The following COL18A1 variants were observed in gnomAD, a reference collection of about 807,000 sequenced individuals.
COL18A1 encodes collagen type XVIII alpha 1 chain.
In COL18A1, 133 loss-of-function variants were observed where a neutral mutation model predicts 168.0. The ratio of observed to expected loss-of-function variants is 0.79; its 90% CI spans 0.69 to 0.91. The LOEUF (loss-of-function observed/expected upper bound fraction) is 0.91. COL18A1 is among the 40% of genes least tolerant of loss of function. COL18A1 has a pLI of 0.00. For synonymous variants in COL18A1, 949 were observed against 809.0 expected (o/e 1.17, Z -2.94); for missense variants, 2,126 against 1,925.4 (o/e 1.10, Z -1.95).
chr21:45,426,038 C>A (rs1422324947), intron 2 of COL18A1, among the ~76,000 whole-genome samples: 1 of 152,194 alleles, frequency 6.6e-6, no homozygotes, highest in African/African-American at 2.4e-5. Flanking sequence ...TGCTTCCCCA[C>A]CTTTTCACAG....
At chr21:45,496,032 C>A in intron 29 of COL18A1, 1 of 358,294 alleles carries the variant, frequency 2.8e-6, no homozygotes, top group Non-Finnish European at 5.5e-6. Flanking sequence ...ATACAACAGG[C>A]CCCTGTGGAT....
chr21:45,449,052 C>T (rs1602406396), intron 2 of COL18A1, among the ~76,000 whole-genome samples: 1 of 152,212 alleles, frequency 6.6e-6, no homozygotes, highest in East Asian at 1.9e-4. Flanking sequence ...GCAGCTGTCC[C>T]TGGGAAGATG....
rs369152864 is a variant in COL18A1, at chr21:45,512,422, G to A, written c.*24G>A. On this transcript the variant is annotated 3_prime_UTR_variant, in exon 42 of 42. Coordinates refer to ENST00000651438, the MANE Select transcript of COL18A1 (RefSeq NM_001379500.1). Reference sequence around the variant, plus strand: ...AGCCACCGCCTGGATGCGGATGGCCGGAGAGGACCGGCGGCTCGGAGGAAG... The same window carrying A: ...AGCCACCGCCTGGATGCGGATGGCCAGAGAGGACCGGCGGCTCGGAGGAAG... 25 of 1,605,906 alleles carry A rather than the reference G, an allele frequency of 1.6e-5. No homozygotes were observed. The highest frequency in any genetic ancestry group is 5.3e-5 in the African/African-American group (4 of 74,830).
At chr21:45,454,420 G>C (rs1015193249) in intron 2 of COL18A1, among the ~76,000 whole-genome samples, 5 of 152,212 alleles carry the variant, frequency 3.3e-5, no homozygotes, top group Non-Finnish European at 7.3e-5. Context: ...AGGGTGACGA[G>C]GGACTCCAGC....
At chr21:45,496,069 GCCATGCCCT>G (rs1026365186) in intron 29 of COL18A1, 24 of 344,438 alleles carry the variant, frequency 7.0e-5, no homozygotes, top group South Asian at 2.4e-4. Context: ...ATGGGCCTGG[GCCATGCCCT>G]CCATGCCCTC....
intron 2 of COL18A1, among the ~76,000 whole-genome samples, chr21:45,428,624 GC>G (rs2033871805): frequency 6.6e-6 from 1 of 152,172 alleles, no homozygotes; most frequent in African/African-American, 2.4e-5. Context: ...CCATCACGCA[GC>G]CACCGCCCGG....
At chr21:45,478,619 A>G (rs937606928) in intron 9 of COL18A1, among the ~76,000 whole-genome samples, 3 of 151,814 alleles carry the variant, frequency 2.0e-5, no homozygotes, top group African/African-American at 7.3e-5. Flanking sequence ...CCAAACCCTT[A>G]GAGGGAAGAC....
Position 45,491,327 on chromosome 21 carries a change from C to G in COL18A1, c.2157+13C>G. The G allele has an allele frequency of 6.3e-7, 1 of 1,596,416 alleles. No homozygotes were observed. Among genetic ancestry groups the G allele is most frequent in the South Asian group, 1.1e-5 (1 of 90,540 alleles). ...GTCGGAGCAGGACGTAAGGACGCTG[C>G]GTGGGTGGGCACCCAATCTGTCCAG... On this transcript the variant is annotated intron_variant, in intron 22 of 41. Transcript: ENST00000651438.
Position 45,504,454 on chromosome 21 carries a change from C to G in COL18A1, c.2766C>G (p.Gly922=), listed in dbSNP as rs777932212. The G allele has an allele frequency of 6.2e-7, 1 of 1,611,070 alleles. No homozygotes were observed. Among genetic ancestry groups the G allele is most frequent in the African/African-American group, 1.3e-5 (1 of 74,878 alleles). The change falls in exon 34 of 42, where the codon GGC becomes GGG. Residue 922 remains glycine (G), a synonymous_variant. Transcript: ENST00000651438. ...ACCGAGGTGATGCAGGACAGAAAGGCGAAAGGGGGGAGCCCGGGGGCGGCG... is the reference window on the plus strand; with the variant it reads ...ACCGAGGTGATGCAGGACAGAAAGGGGAAAGGGGGGAGCCCGGGGGCGGCG... The part of the protein sequence containing the change: ...KGDRGDAGQK[G]ERGEPGGGGF...
At chr21:45,422,213 G>C (rs968145247) in intron 2 of COL18A1, among the ~76,000 whole-genome samples, 1 of 152,196 alleles carries the variant, frequency 6.6e-6, no homozygotes, top group Admixed American at 6.5e-5. Flanking sequence ...CTCACTGTGA[G>C]GTTTAATCTC....
intron 2 of COL18A1, among the ~76,000 whole-genome samples, chr21:45,448,628 C>T (rs1308995337): frequency 1.3e-5 from 2 of 152,268 alleles, no homozygotes; most frequent in African/African-American, 2.4e-5. Flanking sequence ...CTTCTGTGTG[C>T]GTGTCCCAAG....
chr21:45,494,419 T>C, intron 26 of COL18A1, 126 bp from the exon 27 acceptor site: 1 of 1,394,466 alleles, frequency 7.2e-7, no homozygotes, highest in Non-Finnish European at 1.0e-6. Flanking sequence ...CAGCGGCCCT[T>C]AGGGAGGCTA....
intron 15 of COL18A1, among the ~76,000 whole-genome samples, chr21:45,483,553 G>A (rs1342425868): frequency 6.6e-6 from 1 of 152,132 alleles, no homozygotes; most frequent in Non-Finnish European, 1.5e-5. Flanking sequence ...CTGGGAGCCG[G>A]GTCTGGGCCT....
chr21:45,501,712 C>G (rs1051616435), intron 32 of COL18A1, among the ~76,000 whole-genome samples: 107 of 137,102 alleles, frequency 7.8e-4, no homozygotes, highest in Non-Finnish European at 9.9e-4. Flanking sequence ...AGCCGGTCAC[C>G]TCCCTCTGCA....
intron 2 of COL18A1, among the ~76,000 whole-genome samples, chr21:45,433,912 G>GC (rs1569285568): frequency 6.6e-6 from 1 of 152,112 alleles, no homozygotes; most frequent in African/African-American, 2.4e-5. Flanking sequence ...TGTCAGGTGA[G>GC]CCCCCCAGGA....
At chr21:45,508,239 G>A (rs768937630) in intron 38 of COL18A1, among the ~76,000 whole-genome samples, 60 of 149,998 alleles carry the variant, frequency 4.0e-4, no homozygotes, top group Non-Finnish European at 6.9e-4. Context: ...GTGGGTAAGT[G>A]GGTGAGTGGA....
intron 34 of COL18A1, 91 bp downstream of exon 34, chr21:45,504,647 G>C (rs76247277): frequency 0.03 from 34,822 of 1,170,548 alleles, 1,582 homozygotes; most frequent in African/African-American, 0.19. Context: ...CGACACCCGC[G>C]AAGGCCGGAG....
In COL18A1 at chr21:45,425,397, G is replaced by A. The variant is rs11701779; in HGVS notation, c.106+19924G>A. ...ACCCTGGTGCTGACACAGAGTCAGC[G>A]GGTCCCTGGGGTCCCTGCAACTGTC... On this transcript the variant is annotated intron_variant, in intron 2 of 41. Transcript: ENST00000651438. The surrounding 1 kb of genome is among the most constrained non-coding windows in gnomAD (Gnocchi z 4.1). 3.3e-5 allele frequency among the ~76,000 whole-genome samples: 5 copies of A among 152,166 alleles called. No individual in the cohort carries two copies. The highest frequency in any genetic ancestry group is 1.3e-4 in the Admixed American group (2 of 15,278).
At chr21:45,413,887 G>A (rs1422847533) in intron 2 of COL18A1, among the ~76,000 whole-genome samples, 6 of 152,308 alleles carry the variant, frequency 3.9e-5, no homozygotes, top group African/African-American at 7.2e-5. Flanking sequence ...GGGAGGTGGC[G>A]GACCCTCAGG....
Sources: allele counts gnomAD v4.1 joint callset (sites outside exome capture counted in the v4.1 genomes callset), GRCh38; gene constraint gnomAD v4.1.1; non-coding constraint Gnocchi (gnomAD v3.1); transcripts MANE v1.5; gene names NCBI Gene and HGNC (gene_info 2026-07-23, HGNC 2026-07-21).